Variants in DNAJC6 observed in about 807,000 individuals in gnomAD.
DNAJC6 encodes auxilin.
DNAJC6 carries 34 observed loss-of-function variants against 110.0 expected under a neutral mutation model. The ratio of observed to expected loss-of-function variants is 0.31; its 90% CI spans 0.24 to 0.41. DNAJC6 has a LOEUF of 0.41. Among genes scored for constraint, DNAJC6 ranks in the 10% least tolerant of loss-of-function variants. The pLI, the probability that DNAJC6 is intolerant of heterozygous loss-of-function variation, is 1.00. For missense variants in DNAJC6, 1,031 were observed against 1,207.8 expected (o/e 0.85, Z 2.17); for synonymous variants, 406 against 437.2 (o/e 0.93, Z 0.89).
intron 1 of DNAJC6, among the ~76,000 whole-genome samples, chr1:65,272,133 C>T (rs1385653324): frequency 1.3e-5 from 2 of 152,132 alleles, no homozygotes; most frequent in Non-Finnish European, 2.9e-5. Flanking sequence ...TATCTTGTTA[C>T]TGATCTTAGG....
At chr1:65,379,623 A>T (rs1468273959) in intron 5 of DNAJC6, 99 bp downstream of exon 5, 2 of 1,468,874 alleles carry the variant, frequency 1.4e-6, no homozygotes, top group East Asian at 4.7e-5. Context: ...GTTCAATAGG[A>T]TTTACTGAGC....
At chr1:65,337,766 G>T (rs570150483) in intron 1 of DNAJC6, among the ~76,000 whole-genome samples, 35 of 152,242 alleles carry the variant, frequency 2.3e-4, no homozygotes, top group East Asian at 1.5e-3. Flanking sequence ...ATGTGTGTAG[G>T]TTATATGCAA....
At chr1:65,403,330 A>G (rs1387962255) in intron 15 of DNAJC6, among the ~76,000 whole-genome samples, 1 of 152,224 alleles carries the variant, frequency 6.6e-6, no homozygotes, top group African/African-American at 2.4e-5. Context: ...TTCAACACCA[A>G]GAAGTCTAGC....
chr1:65,353,393 A>G (rs1645510617), intron 1 of DNAJC6, among the ~76,000 whole-genome samples: 1 of 152,208 alleles, frequency 6.6e-6, no homozygotes, highest in Admixed American at 6.5e-5. Context: ...GCACATCATA[A>G]GTACTTACTT....
chr1:65,356,318 T>C (rs918620147), intron 1 of DNAJC6, among the ~76,000 whole-genome samples: 1 of 152,152 alleles, frequency 6.6e-6, no homozygotes, highest in African/African-American at 2.4e-5. Flanking sequence ...ATAACTGTAA[T>C]TCCAGCACTT....
intron 13 of DNAJC6, among the ~76,000 whole-genome samples, chr1:65,396,117 C>T (rs952035133): frequency 6.6e-6 from 1 of 152,152 alleles, no homozygotes; most frequent in African/African-American, 2.4e-5. Flanking sequence ...CCAGGAACAA[C>T]TTTTGTGGTT....
chr1:65,302,123 TA>T (rs59460132), intron 1 of DNAJC6, among the ~76,000 whole-genome samples: 10 of 15,024 alleles, frequency 6.7e-4, no homozygotes, highest in South Asian at 1.6e-3. Flanking sequence ...TATATATATA[TA>T]AAAAATATAT....
intron 4 of DNAJC6, 32 bp from the exon 5 acceptor site, chr1:65,379,370 G>A: frequency 6.2e-7 from 1 of 1,612,370 alleles, no homozygotes; most frequent in Non-Finnish European, 8.5e-7. Context: ...AGTTGCTGGA[G>A]GAATTAATTT....
chr1:65,281,640 G>A (rs1424645305), intron 1 of DNAJC6, among the ~76,000 whole-genome samples: 1 of 151,326 alleles, frequency 6.6e-6, no homozygotes, highest in Non-Finnish European at 1.5e-5. Context: ...ATGGAGTCTC[G>A]CTCTGTCACC....
At position 65,394,309 on chromosome 1, in the gene DNAJC6, A is replaced by G. The variant is rs372838170; in HGVS notation, c.1904-589A>G. On this transcript the variant is annotated intron_variant, in intron 12 of 18. Transcript: ENST00000371069. ...AGGATACCCACTGGATTAGTGGCAT[A>G]CCCAGGTCTAGAATGCAAGTATTCT... is the stretch of plus-strand genomic sequence containing the variant. Among the ~76,000 whole-genome samples the G allele has an allele frequency of 3.3e-5, 5 of 152,294 alleles. No homozygotes were observed. The East Asian group carries it at 9.6e-4, about 29-fold the overall frequency.
intron 1 of DNAJC6, among the ~76,000 whole-genome samples, chr1:65,320,525 C>A (rs1235327830): frequency 6.6e-6 from 1 of 152,124 alleles, no homozygotes; most frequent in East Asian, 1.9e-4. Context: ...ATCATACTGA[C>A]CCTGCCTTTT....
At chr1:65,398,943 G>T in intron 14 of DNAJC6, 62 bp downstream of exon 14, 1 of 1,529,034 alleles carries the variant, frequency 6.5e-7, no homozygotes. Flanking sequence ...CCTTACCCAA[G>T]ATGAAGTGAG....
In DNAJC6 at chr1:65,389,433, T is replaced by C; in HGVS notation, c.1371T>C (p.Asp457=). The change falls in exon 10 of 19, where the codon GAT becomes GAC. Residue 457 remains aspartate, a synonymous_variant. Coordinates refer to ENST00000371069, the MANE Select transcript of DNAJC6 (RefSeq NM_001256864.2). ...TCTCTTCTCACCAGGAACATCAAGA[T>C]ACGCTGGCCTTAGGAGGTATGAGTC... ...ILFSSHQEHQ[D]TLALGGQAPI... 6.2e-7 allele frequency: 1 copy of C among 1,614,122 alleles called. No homozygotes were observed. The highest frequency in any genetic ancestry group is 8.5e-7 in the Non-Finnish European group (1 of 1,180,004).
At chr1:65,288,245 A>G (rs1654085854) in intron 1 of DNAJC6, among the ~76,000 whole-genome samples, 1 of 152,232 alleles carries the variant, frequency 6.6e-6, no homozygotes, top group Admixed American at 6.5e-5. Flanking sequence ...TTGCCAGGTT[A>G]GGATTTAGCT....
At chr1:65,318,308 T>G (rs913591247) in intron 1 of DNAJC6, among the ~76,000 whole-genome samples, 5 of 118,126 alleles carry the variant, frequency 4.2e-5, no homozygotes, top group African/African-American at 7.3e-5. Flanking sequence ...AAAATATATG[T>G]TTTTTTTTCT....
rs375995692 is a variant in DNAJC6, at chr1:65,285,573, C to G, written c.-131+20641C>G. The stretch of plus-strand genomic sequence containing the variant: ...GATTGGGAAATGATCCTCACCCCCC[C>G]ACCAGTGTTCCCAACCATTTTTCCC... On this transcript the variant is annotated intron_variant, in intron 1 of 19. Transcript: ENST00000263441. 7.2e-5 allele frequency among the ~76,000 whole-genome samples: 11 copies of G among 152,312 alleles called. No individual in the cohort carries two copies. In the South Asian group the frequency reaches 1.7e-3, roughly 23 times the overall value.
At chr1:65,351,844 C>T (rs1645492828) in intron 1 of DNAJC6, among the ~76,000 whole-genome samples, 1 of 152,110 alleles carries the variant, frequency 6.6e-6, no homozygotes, top group Non-Finnish European at 1.5e-5. Flanking sequence ...CGGCTCAATG[C>T]AACCTCTGCC....
chr1:65,398,941 A>G, intron 14 of DNAJC6, 60 bp downstream of exon 14: 7 of 1,548,966 alleles, frequency 4.5e-6, no homozygotes, highest in Non-Finnish European at 5.3e-6. Context: ...ATCCTTACCC[A>G]AGATGAAGTG....
At chr1:65,291,671 G>C (rs938921431) in intron 1 of DNAJC6, among the ~76,000 whole-genome samples, 2 of 152,160 alleles carry the variant, frequency 1.3e-5, no homozygotes, top group Non-Finnish European at 2.9e-5. Flanking sequence ...TGAGGAAGGG[G>C]TATGAGATGT....
Sources: allele counts gnomAD v4.1 joint callset (sites outside exome capture counted in the v4.1 genomes callset), GRCh38; gene constraint gnomAD v4.1.1; transcripts MANE v1.5; gene names NCBI Gene and HGNC (gene_info 2026-07-23, HGNC 2026-07-21).